The following MYOZ2 variants were observed in gnomAD, a reference collection of about 807,000 sequenced individuals.
MYOZ2 encodes the protein myozenin 2.
Under a neutral mutation model 25.4 loss-of-function variants are expected in MYOZ2, and 19 were observed. That is an observed-to-expected ratio of 0.75 (90% confidence interval 0.52 to 1.10). The LOEUF is 1.10. Among genes scored for constraint, MYOZ2 ranks in the 50% least tolerant of loss-of-function variants. MYOZ2 has a pLI of 0.00. For synonymous variants in MYOZ2, 92 were observed against 106.9 expected, an observed-to-expected ratio of 0.86 and a Z score of 0.86; for missense variants, 270 against 317.9, an observed-to-expected ratio of 0.85 and a Z score of 1.15.
intron 3 of MYOZ2, among the ~76,000 whole-genome samples, chr4:119,151,744 T>A (rs113864630): frequency 6.6e-6 from 1 of 152,102 alleles, no homozygotes; most frequent in African/African-American, 2.4e-5. Flanking sequence ...ATGGCTGGCG[T>A]GAAGAATCAA....
At chr4:119,139,308 C>A (rs1460602700) in intron 2 of MYOZ2, among the ~76,000 whole-genome samples, 2 of 152,266 alleles carry the variant, frequency 1.3e-5, no homozygotes, top group South Asian at 2.1e-4. Flanking sequence ...GTGAGACAAA[C>A]CTCTGTGCTT....
rs868082247 is a variant in MYOZ2 at position 119,150,171 on chromosome 4, T to C, written c.77-701T>C. Among the ~76,000 whole-genome samples, 4 of 152,246 alleles carry C rather than the reference T, an allele frequency of 2.6e-5. No individual in the cohort carries two copies. In the South Asian group the frequency reaches 8.3e-4, roughly 32 times the overall value. On this transcript the variant is annotated intron_variant, in intron 2 of 5. Transcript: ENST00000307128. ...TACTGAATATCTGATATATTTAAGG[T>C]ATGGGAGACACAGAAAGTAAAACCT...
rs1046509783 is a variant in MYOZ2 at position 119,186,632 on chromosome 4, G to A, written c.*432G>A. ...AAGCTATGGAAGATGATGTACAAAT[G>A]TTATTGATGGAGAAAATGGTTGGGT... On this transcript the variant is annotated 3_prime_UTR_variant, in exon 6 of 6. Transcript: ENST00000307128. 6 of 175,444 alleles carry A rather than the reference G, an allele frequency of 3.4e-5. No individual in the cohort carries two copies. Among genetic ancestry groups the A allele is most frequent in the Admixed American group, 2.4e-4 (4 of 16,896 alleles). 10.9% of individuals were successfully genotyped at this position (175,444 alleles called of 1,614,324 possible). A position where few individuals can be genotyped will look rare whatever the true frequency, so the allele number is the denominator to read the frequency against.
intron 4 of MYOZ2, among the ~76,000 whole-genome samples, chr4:119,159,046 G>C (rs796990990): frequency 3.3e-5 from 5 of 152,216 alleles, no homozygotes; most frequent in African/African-American, 1.2e-4. Flanking sequence ...ATTGCATGCT[G>C]TTATCAAAAT....
chr4:119,171,849 C>CA (rs904243593), intron 5 of MYOZ2, among the ~76,000 whole-genome samples: 53 of 150,192 alleles, frequency 3.5e-4, no homozygotes, highest in African/African-American at 1.1e-3. Context: ...CAAAACAAAA[C>CA]AAAAAAACAG....
chr4:119,166,984 A>G (rs1027533228), intron 5 of MYOZ2, among the ~76,000 whole-genome samples: 2 of 152,164 alleles, frequency 1.3e-5, no homozygotes, highest in Non-Finnish European at 2.9e-5. Flanking sequence ...ACACAACAAT[A>G]TTGAAATTAA....
intron 5 of MYOZ2, among the ~76,000 whole-genome samples, chr4:119,174,767 T>C (rs559001534): frequency 8.9e-4 from 135 of 152,048 alleles, no homozygotes; most frequent in Non-Finnish European, 1.7e-3. Flanking sequence ...TTCCACACAG[T>C]GGAAGCTTTG....
intron 4 of MYOZ2, among the ~76,000 whole-genome samples, chr4:119,161,364 AT>A (rs1256632687): frequency 6.6e-6 from 1 of 152,154 alleles, no homozygotes; most frequent in Admixed American, 6.5e-5. Flanking sequence ...ACAAACTATA[AT>A]TATTCCAATT....
chr4:119,159,052 A>G (rs1741649136), intron 4 of MYOZ2, among the ~76,000 whole-genome samples: 1 of 152,200 alleles, frequency 6.6e-6, no homozygotes, highest in Admixed American at 6.5e-5. Context: ...TGCTGTTATC[A>G]AAATATCTAA....
At chr4:119,137,013 A>G (rs57970878) in intron 2 of MYOZ2, among the ~76,000 whole-genome samples, 34,696 of 151,844 alleles carry the variant, frequency 0.23, 4,105 homozygotes, top group South Asian at 0.32. Context: ...AATAAGTTCT[A>G]TCATCTTTTT....
chr4:119,155,125 A>G (rs893485095), intron 3 of MYOZ2, among the ~76,000 whole-genome samples: 3 of 152,090 alleles, frequency 2.0e-5, no homozygotes, highest in Non-Finnish European at 4.4e-5. Flanking sequence ...AGGAGGTGCC[A>G]AGTTCCTTTT....
At chr4:119,140,165 C>T (rs1239042398) in intron 2 of MYOZ2, among the ~76,000 whole-genome samples, 1 of 152,158 alleles carries the variant, frequency 6.6e-6, no homozygotes, top group Non-Finnish European at 1.5e-5. Flanking sequence ...AACCAAACAT[C>T]AGTGTGTTTG....
chr4:119,138,082 A>T (rs914729468), intron 2 of MYOZ2, among the ~76,000 whole-genome samples: 1 of 151,854 alleles, frequency 6.6e-6, no homozygotes, highest in Non-Finnish European at 1.5e-5. Flanking sequence ...CCTTTTTTTT[A>T]TAAACATAAC....
intron 4 of MYOZ2, among the ~76,000 whole-genome samples, chr4:119,160,902 A>G (rs1047213623): frequency 6.8e-5 from 10 of 148,092 alleles, no homozygotes; most frequent in African/African-American, 2.5e-4. Context: ...TATCTGAACT[A>G]TATATTATTC....
intron 5 of MYOZ2, among the ~76,000 whole-genome samples, chr4:119,180,303 C>T (rs1423624767): frequency 6.6e-6 from 1 of 152,102 alleles, no homozygotes; most frequent in African/African-American, 2.4e-5. Flanking sequence ...GTTGTTAGAT[C>T]AGTCAACTGT....
intron 5 of MYOZ2, among the ~76,000 whole-genome samples, chr4:119,180,764 C>T (rs756895379): frequency 7.2e-5 from 11 of 152,176 alleles, no homozygotes; most frequent in South Asian, 2.1e-4. Flanking sequence ...CCATGTTGGC[C>T]AGGCTGGTTT....
At chr4:119,165,621 C>T (rs1741807265) in intron 5 of MYOZ2, among the ~76,000 whole-genome samples, 1 of 151,836 alleles carries the variant, frequency 6.6e-6, no homozygotes, top group Non-Finnish European at 1.5e-5. Context: ...AGAGGTGTAC[C>T]ATAGAATTTA....
Position 119,186,293 on chromosome 4 carries a change from A to G in MYOZ2, c.*93A>G, listed in dbSNP as rs559812489. 138 of 936,278 alleles carry G rather than the reference A, an allele frequency of 1.5e-4. No homozygotes were observed. In the African/African-American group the frequency reaches 2.1e-3, roughly 14 times the overall value. The allele number at this position is 936,278 out of a possible 1,614,324, so 58.0% of individuals were successfully genotyped here. A position where few individuals can be genotyped will look rare whatever the true frequency, so the allele number is the denominator to read the frequency against. ...GGCAAAGCCACTTGCATTTTTCATT[A>G]GTAGCAACAATAGCAATTTAGTGAT... On this transcript the variant is annotated 3_prime_UTR_variant, in exon 6 of 6. Transcript: ENST00000307128.
intron 5 of MYOZ2, among the ~76,000 whole-genome samples, chr4:119,181,137 C>A (rs1022757621): frequency 6.6e-6 from 1 of 152,086 alleles, no homozygotes; most frequent in East Asian, 1.9e-4. Flanking sequence ...CATATTCATT[C>A]CTTTTATACA....
Sources: allele counts gnomAD v4.1 joint callset (sites outside exome capture counted in the v4.1 genomes callset), GRCh38; gene constraint gnomAD v4.1.1; transcripts MANE v1.5; gene names NCBI Gene and HGNC (gene_info 2026-07-23, HGNC 2026-07-21).